HS6ST2: variants seen among roughly 807,000 people sequenced by gnomAD.
HS6ST2 encodes heparan sulfate 6-O-sulfotransferase 2, also known as heparan-sulfate 6-O-sulfotransferase 2.
In HS6ST2, 17 loss-of-function variants were observed where a neutral mutation model predicts 33.0. The ratio of observed to expected loss-of-function variants is 0.52; its 90% CI spans 0.35 to 0.77. The LOEUF is 0.77. HS6ST2 is among the 30% of genes least tolerant of loss of function. HS6ST2 has a pLI of 0.01. For missense variants in HS6ST2, 519 were observed against 551.7 expected, an observed-to-expected ratio of 0.94 and a Z score of 0.59; for synonymous variants, 248 against 237.1, an observed-to-expected ratio of 1.05 and a Z score of -0.42.
chrX:132,658,408 G>A (rs1310222579), intron 4 of HS6ST2, among the ~76,000 whole-genome samples: 1 of 112,145 alleles, frequency 8.9e-6, no homozygotes, highest in African/African-American at 3.2e-5. Context: ...GCAGTCTCTG[G>A]CATCTTTGTT....
chrX:132,660,570 C>A (rs1040803539), intron 4 of HS6ST2, among the ~76,000 whole-genome samples: 4 of 111,454 alleles, frequency 3.6e-5, no homozygotes, highest in African/African-American at 1.3e-4. Context: ...CCCCCTCCTC[C>A]CCATGAATAG....
intron 2 of HS6ST2, among the ~76,000 whole-genome samples, chrX:132,936,766 G>A (rs1374651158): frequency 9.1e-6 from 1 of 110,378 alleles, no homozygotes; most frequent in Non-Finnish European, 1.9e-5. Flanking sequence ...CCCACTACCT[G>A]GGTCATGAAA....
intron 2 of HS6ST2, among the ~76,000 whole-genome samples, chrX:132,920,981 G>A (rs1468580548): frequency 8.9e-6 from 1 of 112,679 alleles, no homozygotes; most frequent in Non-Finnish European, 1.9e-5. Context: ...CATGCCCAAA[G>A]GTGTATTTGA....
At chrX:132,739,462 C>T (rs2064544681) in intron 2 of HS6ST2, among the ~76,000 whole-genome samples, 2 of 111,422 alleles carry the variant, frequency 1.8e-5, no homozygotes, top group Non-Finnish European at 3.8e-5. Context: ...TGCCTGTAAT[C>T]GCAGCACTTT....
intron 3 of HS6ST2, 91 bp downstream of exon 3, chrX:132,708,371 T>C: frequency 2.0e-6 from 1 of 511,738 alleles, no homozygotes; most frequent in Non-Finnish European, 2.9e-6. Context: ...TAACTATTTG[T>C]TGTACTGAAA....
chrX:132,850,370 C>G (rs779563182), intron 2 of HS6ST2, among the ~76,000 whole-genome samples: 1 of 111,443 alleles, frequency 9.0e-6, no homozygotes, highest in Non-Finnish European at 1.9e-5. Flanking sequence ...GCACATTTTC[C>G]CACACTCTCT....
At chrX:132,732,442 C>T (rs2064468436) in intron 2 of HS6ST2, among the ~76,000 whole-genome samples, 1 of 111,927 alleles carries the variant, frequency 8.9e-6, no homozygotes, top group African/African-American at 3.3e-5. Flanking sequence ...TCCACACACA[C>T]AAAACCAGTT....
chrX:132,842,596 C>G (rs777884866), intron 2 of HS6ST2, among the ~76,000 whole-genome samples: 1 of 111,756 alleles, frequency 8.9e-6, no homozygotes, highest in African/African-American at 3.3e-5. Flanking sequence ...TCTCTTCCTC[C>G]CCTCCCCCTG....
chrX:132,768,662 T>A (rs1476946892), intron 2 of HS6ST2, among the ~76,000 whole-genome samples: 1 of 112,215 alleles, frequency 8.9e-6, no homozygotes, highest in Non-Finnish European at 1.9e-5. Context: ...TGGAGTGTAG[T>A]GACTATTGGG....
chrX:132,870,468 T>C (rs928755825), intron 2 of HS6ST2, among the ~76,000 whole-genome samples: 1 of 111,631 alleles, frequency 9.0e-6, no homozygotes, highest in African/African-American at 3.3e-5. Flanking sequence ...AAGACAATCC[T>C]AAGCAAAAAG....
chrX:132,941,080 A>G (rs2148494666), intron 2 of HS6ST2, among the ~76,000 whole-genome samples: 1 of 112,218 alleles, frequency 8.9e-6, no homozygotes, highest in Non-Finnish European at 1.9e-5. Context: ...TGAAAGGGGA[A>G]TATCACAATC....
chrX:132,903,795 A>G (rs2066446842), intron 2 of HS6ST2, among the ~76,000 whole-genome samples: 1 of 112,547 alleles, frequency 8.9e-6, no homozygotes, highest in African/African-American at 3.2e-5. Context: ...TATAATATAT[A>G]GTTTCTTAAA....
chrX:132,919,096 T>C (rs1167243927), intron 2 of HS6ST2, among the ~76,000 whole-genome samples: 1 of 111,940 alleles, frequency 8.9e-6, no homozygotes, highest in Admixed American at 9.5e-5. Flanking sequence ...ATGTGTATAA[T>C]AGGGGGAGGG....
chrX:132,712,841 A>G (rs1240093308), intron 2 of HS6ST2, among the ~76,000 whole-genome samples: 1 of 111,174 alleles, frequency 9.0e-6, no homozygotes, highest in African/African-American at 3.3e-5. Context: ...CCTGGCCAAC[A>G]TGGAGAAACC....
intron 3 of HS6ST2, among the ~76,000 whole-genome samples, chrX:132,672,670 C>A (rs1477440216): frequency 8.9e-6 from 1 of 112,162 alleles, no homozygotes; most frequent in East Asian, 2.8e-4. Flanking sequence ...CCATCTCCAT[C>A]TGTCAAGAAA....
intron 2 of HS6ST2, chrX:132,735,134 CT>C (rs2064496448): frequency 8.9e-6 from 1 of 112,310 alleles, no homozygotes; most frequent in South Asian, 3.7e-4. Flanking sequence ...TTCAAACACA[CT>C]TGAAAGATGT....
intron 2 of HS6ST2, among the ~76,000 whole-genome samples, chrX:132,925,599 A>G: frequency 8.9e-6 from 1 of 111,804 alleles, no homozygotes; most frequent in East Asian, 2.8e-4. Context: ...ACACATTTTG[A>G]TGACCAGAAG....
intron 2 of HS6ST2, among the ~76,000 whole-genome samples, chrX:132,739,184 G>A (rs1212908434): frequency 9.0e-6 from 1 of 111,459 alleles, no homozygotes; most frequent in Non-Finnish European, 1.9e-5. Context: ...CATTTACTTT[G>A]AAGAAGCGGT....
chrX:132,923,403 G>A (rs997965386), intron 2 of HS6ST2, among the ~76,000 whole-genome samples: 2 of 111,129 alleles, frequency 1.8e-5, no homozygotes, highest in Non-Finnish European at 3.8e-5. Flanking sequence ...TTGGGGGGTA[G>A]GTCTCAGCAT....
Sources: gnomAD v4.1 joint callset for allele counts (sites outside exome capture counted in the v4.1 genomes callset) on GRCh38, gnomAD v4.1.1 for gene constraint, MANE v1.5 for transcripts, NCBI Gene and HGNC (gene_info 2026-07-23, HGNC 2026-07-21) for gene names.